The following MX2 variants were observed in gnomAD, a reference collection of about 807,000 sequenced individuals.
MX2 encodes the protein interferon-induced GTP-binding protein Mx2.
Under a neutral mutation model 74.0 loss-of-function variants are expected in MX2, and 51 were observed. The ratio of observed to expected loss-of-function variants is 0.69; its 90% CI spans 0.55 to 0.87. The LOEUF (loss-of-function observed/expected upper bound fraction) is 0.87, where lower values mean the gene tolerates loss of function less well. Among genes scored for constraint, MX2 ranks in the 40% least tolerant of loss-of-function variants. The pLI is 0.00. For synonymous variants in MX2, 369 were observed against 339.3 expected (o/e 1.09, Z -0.96); for missense variants, 832 against 908.7 (o/e 0.92, Z 1.09).
rs1226780170 is a variant in MX2 at position 41,396,625 on chromosome 21, A to G, written c.1070+840A>G. On this transcript the variant is annotated intron_variant, in intron 7 of 13. Coordinates refer to ENST00000330714, the MANE Select transcript of MX2 (RefSeq NM_002463.2). ...CACAAGATTGTGGTTAGGATTACGT[A>G]ACACGACATACACAAAGGTCTTGAG... Among the ~76,000 whole-genome samples the G allele has an allele frequency of 3.3e-5, 5 of 152,176 alleles. No individual in the cohort carries two copies. The South Asian group carries it at 8.3e-4, about 25-fold the overall frequency.
chr21:41,376,462 C>T (rs1182794679), intron 1 of MX2, among the ~76,000 whole-genome samples: 1 of 152,164 alleles, frequency 6.6e-6, no homozygotes, highest in East Asian at 1.9e-4. Context: ...AGGGGGACTG[C>T]TTGAGTCCAG....
intron 3 of MX2, among the ~76,000 whole-genome samples, chr21:41,378,670 T>C (rs1320097839): frequency 6.6e-6 from 1 of 152,128 alleles, no homozygotes; most frequent in East Asian, 1.9e-4. Context: ...ATAAAATAAT[T>C]ATAAAGGAAA....
rs1368515978 is a variant in MX2, at chr21:41,402,991, T to G, written c.1574-276T>G. ...GACTGGAACTGGTCCAGCCTGGGAG[T>G]TGGGGACCCCTGATGTAAGGAATAG... is the stretch of plus-strand genomic sequence containing the variant. On this transcript the variant is annotated intron_variant, in intron 11 of 13. Transcript: ENST00000330714. The surrounding 1 kb of genome is among the most constrained non-coding windows in gnomAD (Gnocchi z 4.5). 6 of 371,598 alleles carry G rather than the reference T, an allele frequency of 1.6e-5. No homozygotes were observed. Among genetic ancestry groups the G allele is most frequent in the Non-Finnish European group, 3.1e-5 (6 of 195,184 alleles). The allele number at this position is 371,598 out of a possible 1,614,324, so 23.0% of individuals were successfully genotyped here.
chr21:41,405,346 G>C (rs2089871130), intron 12 of MX2, among the ~76,000 whole-genome samples: 1 of 152,144 alleles, frequency 6.6e-6, no homozygotes, highest in South Asian at 2.1e-4. Context: ...CCACAGACTG[G>C]ATGTGTCTTA....
In MX2 at chr21:41,399,347, G is replaced by T; in HGVS notation, c.1414+10G>T. On this transcript the variant is annotated intron_variant, in intron 10 of 13. Transcript: ENST00000330714. ...ACTAATACCCAAAAAGGTAAGTTCT[G>T]GGCAGGGCTCCCTGCAAAACAGGGT... 15 of 1,612,550 alleles carry T rather than the reference G, an allele frequency of 9.3e-6. No homozygotes were observed. The highest frequency in any genetic ancestry group is 1.2e-5 in the Non-Finnish European group (14 of 1,179,602).
chr21:41,395,942 A>G (rs1336546943), intron 7 of MX2, among the ~76,000 whole-genome samples, 157 bp downstream of exon 7: 2 of 152,344 alleles, frequency 1.3e-5, no homozygotes, highest in East Asian at 3.9e-4. Flanking sequence ...TGGCTTATTT[A>G]GACAAATTAT....
At chr21:41,367,430 G>A (rs764991490) in intron 1 of MX2, 6 of 151,966 alleles carry the variant, frequency 3.9e-5, no homozygotes, top group African/African-American at 7.3e-5. Context: ...ATGATTCTAC[G>A]GGGAAACCTG....
intron 3 of MX2, 138 bp downstream of exon 3, chr21:41,378,119 C>A (rs2089434186): frequency 8.9e-7 from 1 of 1,123,622 alleles, no homozygotes; most frequent in Non-Finnish European, 1.2e-6. Context: ...GGGAGAGAGG[C>A]CGCTGAGAGA....
At chr21:41,406,208 G>A (rs1189940256) in intron 12 of MX2, among the ~76,000 whole-genome samples, 1 of 151,640 alleles carries the variant, frequency 6.6e-6, no homozygotes, top group Non-Finnish European at 1.5e-5. Context: ...GGTTGGTCTC[G>A]AGCTCCTGAC....
chr21:41,382,177 G>A (rs1027240954), intron 4 of MX2, among the ~76,000 whole-genome samples: 11 of 152,210 alleles, frequency 7.2e-5, no homozygotes, highest in Non-Finnish European at 1.5e-4. Context: ...TAACATACCA[G>A]AATCTTTTCT....
At chr21:41,393,102 CA>C (rs1292662679) in intron 6 of MX2, among the ~76,000 whole-genome samples, 12 of 6,694 alleles carry the variant, frequency 1.8e-3, no homozygotes, top group African/African-American at 4.5e-3. Context: ...GATTCTGTCT[CA>C]AAAAAGCAAA....
chr21:41,372,077 G>C (rs939827329), intron 1 of MX2, among the ~76,000 whole-genome samples: 11 of 152,218 alleles, frequency 7.2e-5, no homozygotes, highest in Non-Finnish European at 1.6e-4. Context: ...TTGATAGGAA[G>C]ATAGGTATTG....
chr21:41,367,976 C>T (rs1488418680), intron 1 of MX2, among the ~76,000 whole-genome samples: 1 of 152,216 alleles, frequency 6.6e-6, no homozygotes, highest in Admixed American at 6.5e-5. Flanking sequence ...TTCTCCTCTT[C>T]TCTCACCAGC....
chr21:41,399,224 A>G lies in MX2; in HGVS notation c.1301A>G (p.Glu434Gly). The change falls in exon 10 of 14, where the codon GAA becomes GGA. Residue 434 changes from glutamate (E) to glycine (G), a missense_variant. Coordinates refer to ENST00000330714, the MANE Select transcript of MX2 (RefSeq NM_002463.2). ...EKIKMFNQDIEKLVEGEEVVR... is the reference protein window; with the variant it reads ...EKIKMFNQDIGKLVEGEEVVR... ...ATCAAGATGTTTAATCAGGACATCG[A>G]AAAGTTAGTAGAAGGAGAAGAAGTT... 6.2e-7 allele frequency: 1 copy of G among 1,614,038 alleles called. No homozygotes were observed. Among genetic ancestry groups the G allele is most frequent in the East Asian group, 2.2e-5 (1 of 44,876 alleles).
chr21:41,391,930 C>A (rs375577756), intron 6 of MX2, among the ~76,000 whole-genome samples: 37 of 152,172 alleles, frequency 2.4e-4, no homozygotes, highest in African/African-American at 8.7e-4. Flanking sequence ...GATTTCATCA[C>A]CCAGGTATCA....
chr21:41,377,972 A>G lies in MX2; in HGVS notation c.433A>G (p.Arg145Gly). Residue 145 changes from arginine (R) to glycine (G), a missense_variant, in exon 3 of 14, where the codon AGA becomes GGA. Physicochemically the swap from Arg to Gly is moderately radical, Grantham distance 125. Transcript: ENST00000330714. ...LEALSGVALP[R>G]GSGIVTRCPL... Reference sequence around the variant, plus strand: ...GGCACTGTCAGGAGTCGCGCTTCCCAGAGGCAGCGGTAAGTTCAACGGACC... The same window carrying G: ...GGCACTGTCAGGAGTCGCGCTTCCCGGAGGCAGCGGTAAGTTCAACGGACC... 1 of 1,613,144 alleles carries G rather than the reference A, an allele frequency of 6.2e-7. No homozygotes were observed.
chr21:41,383,818 G>A (rs1170492562), intron 5 of MX2, among the ~76,000 whole-genome samples: 1 of 152,272 alleles, frequency 6.6e-6, no homozygotes, highest in East Asian at 1.9e-4. Flanking sequence ...GCTGAGTTAA[G>A]TGATGAATTC....
At position 41,399,267 on chromosome 21, in the gene MX2, C is replaced by A; in HGVS notation, c.1344C>A (p.Thr448=). 1 of 1,613,604 alleles carries A rather than the reference C, an allele frequency of 6.2e-7. No individual in the cohort carries two copies. Among genetic ancestry groups the A allele is most frequent in the African/African-American group, 1.3e-5 (1 of 74,984 alleles). ...AAGAAGTTGTAAGGGAGAATGAGAC[C>A]CGTTTATACAACAAAATCAGAGAGG... is the stretch of plus-strand genomic sequence containing the variant. ...EGEEVVRENE[T]RLYNKIREDF... Residue 448 remains threonine (T), a synonymous_variant, in exon 10 of 14, where the codon ACC becomes ACA. Coordinates refer to ENST00000330714, the MANE Select transcript of MX2 (RefSeq NM_002463.2).
Position 41,376,898 on chromosome 21 carries a change from A to T in MX2, c.-9A>T. ...AAAGCATCCCCCAGCTCTGACAGGG[A>T]GACAGCACATGTCTAAGGCCCACAA... On this transcript the variant is annotated 5_prime_UTR_variant, in exon 2 of 14. Coordinates refer to ENST00000330714, the MANE Select transcript of MX2 (RefSeq NM_002463.2). 6.2e-7 allele frequency: 1 copy of T among 1,613,142 alleles called. No homozygotes were observed. Among genetic ancestry groups the T allele is most frequent in the East Asian group, 2.2e-5 (1 of 44,858 alleles).
Sources: gnomAD v4.1 joint callset for allele counts (sites outside exome capture counted in the v4.1 genomes callset) on GRCh38, gnomAD v4.1.1 for gene constraint, Gnocchi (gnomAD v3.1) non-coding constraint, MANE v1.5 for transcripts, NCBI Gene and HGNC (gene_info 2026-07-23, HGNC 2026-07-21) for gene names.